The following CACUL1 variants were observed in gnomAD, a reference collection of about 807,000 sequenced individuals.
The protein encoded by CACUL1 is CDK2 associated cullin domain 1.
A neutral mutation model predicts 45.2 loss-of-function variants in CACUL1; 13 were observed. The observed-to-expected ratio is 0.29, with a 90% CI of 0.19 to 0.46. The LOEUF is 0.46. Ranked by LOEUF, CACUL1 falls within the 20% of genes least tolerant of loss-of-function variation. The probability of loss-of-function intolerance (pLI) is 1.00; values close to 1 mark genes in which losing one functional copy is unlikely to be tolerated. For synonymous variants in CACUL1, 197 were observed against 174.2 expected (o/e 1.13, Z -1.03); for missense variants, 421 against 471.4 (o/e 0.89, Z 0.99).
At chr10:118,726,824 A>G (rs986963134) in intron 3 of CACUL1, among the ~76,000 whole-genome samples, 61 of 152,200 alleles carry the variant, frequency 4.0e-4, no homozygotes, top group African/African-American at 1.4e-3. Context: ...AAGAAAATTT[A>G]TAAGATGATA....
rs574781885 is a variant in CACUL1, at chr10:118,726,511, T to C, written c.597+2784A>G. ...AACAATAACACAATCACTGCCCTAA[T>C]AGACTTCTTATTGCTGAGATGCTAT... is the stretch of plus-strand genomic sequence containing the variant. On this transcript the variant is annotated intron_variant, in intron 3 of 8. Coordinates refer to ENST00000369151, the MANE Select transcript of CACUL1 (RefSeq NM_153810.5). 122 of 339,282 alleles carry C rather than the reference T, an allele frequency of 3.6e-4. 2 individuals carry two copies. The highest frequency in any genetic ancestry group is 2.7e-3 in the South Asian group (117 of 43,762). 21.0% of individuals were successfully genotyped at this position (339,282 alleles called of 1,614,324 possible). A position where few individuals can be genotyped will look rare whatever the true frequency, so the allele number is the denominator to read the frequency against.
chr10:118,748,347 TC>T (rs1198535222), intron 1 of CACUL1, among the ~76,000 whole-genome samples: 1 of 152,182 alleles, frequency 6.6e-6, no homozygotes, highest in Non-Finnish European at 1.5e-5. Context: ...AGTAGTGGAT[TC>T]CCCAAGTTTG....
At chr10:118,747,765 G>T (rs1220791448) in intron 1 of CACUL1, among the ~76,000 whole-genome samples, 1 of 152,164 alleles carries the variant, frequency 6.6e-6, no homozygotes, top group African/African-American at 2.4e-5. Flanking sequence ...GCTGGAGGAA[G>T]CAGGCAGCGT....
intron 7 of CACUL1, among the ~76,000 whole-genome samples, chr10:118,688,792 T>A (rs371185120): frequency 1.9e-4 from 29 of 152,210 alleles, no homozygotes; most frequent in African/African-American, 2.4e-4. Context: ...AGCTTATGTG[T>A]TAATTCCAGC....
chr10:118,724,952 A>G (rs764750645), intron 3 of CACUL1, among the ~76,000 whole-genome samples: 4 of 152,120 alleles, frequency 2.6e-5, no homozygotes, highest in Non-Finnish European at 4.4e-5. Context: ...TCCTAATGTT[A>G]GGGTCCTGGT....
intron 2 of CACUL1, 65 bp downstream of exon 2, chr10:118,730,218 CA>C: frequency 6.6e-7 from 1 of 1,508,878 alleles, no homozygotes; most frequent in Non-Finnish European, 9.2e-7. Context: ...TTGTGTGAGG[CA>C]TAATTCAAGT....
intron 1 of CACUL1, among the ~76,000 whole-genome samples, chr10:118,748,507 T>A (rs1243705181): frequency 6.6e-6 from 1 of 152,152 alleles, no homozygotes; most frequent in Admixed American, 6.5e-5. Flanking sequence ...AATTCCTTCA[T>A]CTCTCACTCA....
intron 3 of CACUL1, among the ~76,000 whole-genome samples, chr10:118,715,899 C>T (rs906633058): frequency 5.9e-5 from 9 of 152,076 alleles, no homozygotes; most frequent in African/African-American, 2.2e-4. Context: ...AAGTAATGTA[C>T]GTTCATTGAA....
intron 1 of CACUL1, among the ~76,000 whole-genome samples, chr10:118,732,005 A>G (rs762503369): frequency 7.9e-5 from 12 of 152,220 alleles, no homozygotes; most frequent in Admixed American, 1.3e-4. Context: ...GTGCGCAAAC[A>G]TAACAGTAGG....
In CACUL1 at chr10:118,754,718, C is replaced by G. The variant is rs368065213; in HGVS notation, c.45G>C (p.Ala15=). 3.7e-6 allele frequency: 6 copies of G among 1,604,364 alleles called. No homozygotes were observed. Among genetic ancestry groups the G allele is most frequent in the Non-Finnish European group, 5.1e-6 (6 of 1,176,464 alleles). ...TGTTGTGGTTCTGGTCGTCCATCAT[C>G]GCCTCGTAGCTGCCCCCCTCCTCCT... ...MEEEEGGSYE[A]MMDDQNHNNW... is the part of the protein sequence containing the mutation. Residue 15 remains alanine (A), a synonymous_variant, in exon 1 of 9, where the codon GCG becomes GCC. Coordinates refer to ENST00000369151, the MANE Select transcript of CACUL1 (RefSeq NM_153810.5).
chr10:118,723,406 A>G (rs1845619970), intron 3 of CACUL1, among the ~76,000 whole-genome samples: 1 of 152,122 alleles, frequency 6.6e-6, no homozygotes, highest in South Asian at 2.1e-4. Flanking sequence ...TTGATTATAT[A>G]TATATATTCT....
chr10:118,691,866 C>CAAAAAAAAAAAA (rs754241223), intron 6 of CACUL1, among the ~76,000 whole-genome samples: 5 of 95,458 alleles, frequency 5.2e-5, no homozygotes, highest in African/African-American at 2.1e-4. Flanking sequence ...GACTCCGTCT[C>CAAAAAAAAAAAA]AAAAAAAAAA....
chr10:118,754,238 G>A (rs1467197443), intron 1 of CACUL1, among the ~76,000 whole-genome samples, 158 bp downstream of exon 1: 3 of 152,172 alleles, frequency 2.0e-5, no homozygotes, highest in Non-Finnish European at 4.4e-5. Flanking sequence ...GGGAGGGGAC[G>A]GTGAGGGGGA....
intron 3 of CACUL1, among the ~76,000 whole-genome samples, chr10:118,710,224 C>T (rs1179791107): frequency 6.6e-6 from 1 of 151,992 alleles, no homozygotes; most frequent in South Asian, 2.1e-4. Flanking sequence ...CCACACCCAG[C>T]GCATTTCTTT....
intron 3 of CACUL1, among the ~76,000 whole-genome samples, chr10:118,720,370 G>A (rs941459846): frequency 6.6e-6 from 1 of 152,154 alleles, no homozygotes; most frequent in Non-Finnish European, 1.5e-5. Flanking sequence ...TTATCTCTAT[G>A]TAACACTTAG....
At chr10:118,693,993 T>C (rs112848626) in intron 6 of CACUL1, among the ~76,000 whole-genome samples, 4 of 152,234 alleles carry the variant, frequency 2.6e-5, no homozygotes, top group African/African-American at 7.2e-5. Context: ...GCTCAGGAAG[T>C]AGCTGGGACT....
At chr10:118,739,823 G>A (rs141437802) in intron 1 of CACUL1, among the ~76,000 whole-genome samples, 157 of 152,336 alleles carry the variant, frequency 1.0e-3, no homozygotes, top group African/African-American at 3.5e-3. Context: ...GGTACATGGC[G>A]AATCTAACAA....
chr10:118,706,096 A>G (rs1010439602), intron 4 of CACUL1, among the ~76,000 whole-genome samples: 5 of 152,256 alleles, frequency 3.3e-5, no homozygotes, highest in African/African-American at 1.2e-4. Flanking sequence ...CAATGGCAAT[A>G]CAGAAAAGCG....
chr10:118,740,115 C>T (rs1845778670), intron 1 of CACUL1, among the ~76,000 whole-genome samples: 1 of 152,154 alleles, frequency 6.6e-6, no homozygotes, highest in East Asian at 1.9e-4. Context: ...CCACTGCACT[C>T]CAGCCTGGGC....
Sources: allele counts gnomAD v4.1 joint callset (sites outside exome capture counted in the v4.1 genomes callset), GRCh38; gene constraint gnomAD v4.1.1; transcripts MANE v1.5; gene names NCBI Gene and HGNC (gene_info 2026-07-23, HGNC 2026-07-21).